XRN1: variants seen among roughly 807,000 people sequenced by gnomAD.
The protein encoded by XRN1 is 5'-3' exoribonuclease 1.
In XRN1, 67 loss-of-function variants were observed where a neutral mutation model predicts 222.3. The observed-to-expected ratio is 0.30, with a 90% CI of 0.25 to 0.37. The LOEUF (loss-of-function observed/expected upper bound fraction) is 0.37, where lower values mean the gene tolerates loss of function less well. Among genes scored for constraint, XRN1 ranks in the 10% least tolerant of loss-of-function variants. The probability of loss-of-function intolerance (pLI) is 1.00; values close to 1 mark genes in which losing one functional copy is unlikely to be tolerated. For synonymous variants in XRN1, 643 were observed against 652.4 expected (o/e 0.99, Z 0.22); for missense variants, 1,707 against 2,000.2 (o/e 0.85, Z 2.80).
At chr3:142,335,155 T>G (rs373702282) in intron 34 of XRN1, among the ~76,000 whole-genome samples, 7 of 152,108 alleles carry the variant, frequency 4.6e-5, no homozygotes, top group African/African-American at 1.7e-4. Context: ...GATTAATATT[T>G]TTATCTCCAC....
chr3:142,359,417 T>G (rs2066557076), intron 30 of XRN1, among the ~76,000 whole-genome samples: 1 of 152,178 alleles, frequency 6.6e-6, no homozygotes, highest in Non-Finnish European at 1.5e-5. Context: ...GACATTTCTA[T>G]TCCTCAAGTT....
At chr3:142,372,652 G>C (rs1304878528) in intron 25 of XRN1, among the ~76,000 whole-genome samples, 1 of 152,332 alleles carries the variant, frequency 6.6e-6, no homozygotes, top group African/African-American at 2.4e-5. Context: ...TTACTAAAGA[G>C]GGCTCACAGC....
intron 15 of XRN1, among the ~76,000 whole-genome samples, chr3:142,406,251 GGCAAGGATT>G (rs2068332594): frequency 6.6e-6 from 1 of 151,934 alleles, no homozygotes; most frequent in East Asian, 1.9e-4. Flanking sequence ...CACACAACAG[GGCAAGGATT>G]GCCTCTTCAA....
At position 142,329,508 on chromosome 3, in the gene XRN1, C is replaced by T; in HGVS notation, c.4330G>A (p.Val1444Ile). ...PSQIPPVSTP[V>I]TELSRICSLV... ...GAACAAATTCGAGAAAGTTCAGTTA[C>T]TGGTGTGGATACAGGAGGGATCTGG... The change falls in exon 37 of 41, where the codon GTA becomes ATA. Residue 1444 changes from valine to isoleucine, a missense_variant. Transcript: ENST00000392981. 1 of 1,595,900 alleles carries T rather than the reference C, an allele frequency of 6.3e-7. No homozygotes were observed. Among genetic ancestry groups the T allele is most frequent in the Non-Finnish European group, 8.5e-7 (1 of 1,173,924 alleles).
At chr3:142,312,849 CTT>C in intron 39 of XRN1, 91 bp from the exon 40 acceptor site, 2 of 1,327,374 alleles carry the variant, frequency 1.5e-6, no homozygotes, top group South Asian at 1.5e-5. Flanking sequence ...CCTTTTTGGG[CTT>C]TTTTTTTCCC....
intron 33 of XRN1, among the ~76,000 whole-genome samples, chr3:142,339,650 T>A (rs547578221): frequency 6.6e-6 from 1 of 152,156 alleles, no homozygotes; most frequent in Admixed American, 6.5e-5. Context: ...TCAAAATAAC[T>A]GTTTTGGTCA....
intron 33 of XRN1, among the ~76,000 whole-genome samples, chr3:142,338,481 G>A (rs1395028706): frequency 1.3e-5 from 2 of 152,082 alleles, no homozygotes; most frequent in African/African-American, 2.4e-5. Context: ...ATGTGCCTTC[G>A]ATAAGAGTCT....
At chr3:142,364,612 T>G (rs2066759966) in intron 29 of XRN1, among the ~76,000 whole-genome samples, 1 of 152,190 alleles carries the variant, frequency 6.6e-6, no homozygotes, top group Admixed American at 6.5e-5. Flanking sequence ...TAACTGTAAC[T>G]AACGTAATAT....
chr3:142,311,925 G>A, intron 40 of XRN1, 112 bp from the exon 41 acceptor site: 1 of 1,075,880 alleles, frequency 9.3e-7, no homozygotes, highest in Non-Finnish European at 1.3e-6. Flanking sequence ...CAGCTGATCT[G>A]TGACTTCCAC....
At chr3:142,351,067 A>G (rs2066290537) in intron 32 of XRN1, among the ~76,000 whole-genome samples, 1 of 152,156 alleles carries the variant, frequency 6.6e-6, no homozygotes, top group African/African-American at 2.4e-5. Context: ...GTGTATCTAT[A>G]TCTATCTTAT....
At chr3:142,431,996 G>GTATATATTATATAATATATTT (rs1559880263) in intron 2 of XRN1, among the ~76,000 whole-genome samples, 3 of 33,422 alleles carry the variant, frequency 9.0e-5, no homozygotes, top group African/African-American at 4.7e-4. Flanking sequence ...ATAATATATT[G>GTATATATTATATAATATATTT]TATATATATA....
chr3:142,312,546 T>C, intron 40 of XRN1, 52 bp downstream of exon 40: 1 of 1,431,208 alleles, frequency 7.0e-7, no homozygotes, highest in South Asian at 1.6e-5. Context: ...TGTTTATCAA[T>C]AGTCTTTCAG....
intron 13 of XRN1, among the ~76,000 whole-genome samples, chr3:142,415,369 TGGAATAGAAAAAG>T (rs2068744241): frequency 6.6e-6 from 1 of 152,188 alleles, no homozygotes; most frequent in African/African-American, 2.4e-5. Context: ...AAGTGCCATG[TGGAATAGAAAAAG>T]GGTAGACTTT....
rs989425121 is a variant in XRN1, at chr3:142,412,467, C to T, written c.1713+77G>A. The T allele has an allele frequency of 5.0e-6, 7 of 1,412,302 alleles. No homozygotes were observed. In the African/African-American group the frequency reaches 1.0e-4, roughly 20 times the overall value. The allele number at this position is 1,412,302 out of a possible 1,614,324, so 87.5% of individuals were successfully genotyped here. A position where few individuals can be genotyped will look rare whatever the true frequency, so the allele number is the denominator to read the frequency against. On this transcript the variant is annotated intron_variant, in intron 15 of 40. Coordinates refer to ENST00000392981, the MANE Select transcript of XRN1 (RefSeq NM_001282857.2). Reference sequence around the variant, plus strand: ...ACAAAACATAAATGGTGATTAAAACCCATTGCTCATTAACCTATGTGAAAT... The same window carrying T: ...ACAAAACATAAATGGTGATTAAAACTCATTGCTCATTAACCTATGTGAAAT...
chr3:142,354,019 T>C (rs1384080125), intron 32 of XRN1, among the ~76,000 whole-genome samples: 1 of 152,096 alleles, frequency 6.6e-6, no homozygotes, highest in Non-Finnish European at 1.5e-5. Flanking sequence ...AGATGCTTGC[T>C]TCAGCAGCAC....
chr3:142,414,332 T>C lies in XRN1; in HGVS notation c.1437-41A>G, dbSNP rs763065629. The C allele has an allele frequency of 4.2e-6, 6 of 1,442,252 alleles. No individual in the cohort carries two copies. The Admixed American group carries it at 1.1e-4, about 27-fold the overall frequency. 89.3% of individuals were successfully genotyped at this position (1,442,252 alleles called of 1,614,324 possible). A position where few individuals can be genotyped will look rare whatever the true frequency, so the allele number is the denominator to read the frequency against. ...GAGTTTTAAACAAGTGGCATCTTTATGAATTAGGTTAATAATAAACATATA... is the reference window on the plus strand; with the variant it reads ...GAGTTTTAAACAAGTGGCATCTTTACGAATTAGGTTAATAATAAACATATA... On this transcript the variant is annotated intron_variant, in intron 13 of 40. Coordinates refer to ENST00000392981, the MANE Select transcript of XRN1 (RefSeq NM_001282857.2).
chr3:142,417,040 A>C, intron 13 of XRN1, 100 bp downstream of exon 13: 2 of 763,780 alleles, frequency 2.6e-6, no homozygotes, highest in South Asian at 2.4e-5. Flanking sequence ...AAAAAAAATT[A>C]CCATAAGTAG....
chr3:142,414,899 T>C (rs1043237521), intron 13 of XRN1, among the ~76,000 whole-genome samples: 50 of 152,228 alleles, frequency 3.3e-4, no homozygotes, highest in African/African-American at 1.2e-3. Context: ...TCTCAAAATG[T>C]TGATAGTGAA....
chr3:142,365,172 T>C lies in XRN1; in HGVS notation c.3269A>G (p.Glu1090Gly). 6.2e-7 allele frequency: 1 copy of C among 1,608,740 alleles called. No individual in the cohort carries two copies. Among genetic ancestry groups the C allele is most frequent in the South Asian group, 1.1e-5 (1 of 89,756 alleles). The change falls in exon 29 of 41, where the codon GAA becomes GGA. Residue 1090 changes from glutamate to glycine, a missense_variant. Transcript: ENST00000392981. ...ATCAGGAATGACTCCATGTTGCTGT[T>C]CTAAAGGCTGAAGAGAAGAAAGCTA... ...VKPHLLYRPL[E>G]QQHGVIPDRD...
Sources: allele counts gnomAD v4.1 joint callset (sites outside exome capture counted in the v4.1 genomes callset), GRCh38; gene constraint gnomAD v4.1.1; transcripts MANE v1.5; gene names NCBI Gene and HGNC (gene_info 2026-07-23, HGNC 2026-07-21).